Variants in ADAM22 observed in about 807,000 individuals in gnomAD.
The protein encoded by ADAM22 is disintegrin and metalloproteinase domain-containing protein 22.
In ADAM22, 65 loss-of-function variants were observed where a neutral mutation model predicts 144.6. The ratio of observed to expected loss-of-function variants is 0.45; its 90% CI spans 0.37 to 0.55. The LOEUF (loss-of-function observed/expected upper bound fraction) is 0.55, where lower values mean the gene tolerates loss of function less well. Among genes scored for constraint, ADAM22 ranks in the 20% least tolerant of loss-of-function variants. The pLI, the probability that ADAM22 is intolerant of heterozygous loss-of-function variation, is 0.00. For synonymous variants in ADAM22, 391 were observed against 412.6 expected (o/e 0.95, Z 0.63); for missense variants, 974 against 1,184.9 (o/e 0.82, Z 2.61).
At chr7:88,001,976 T>A (rs1440696392) in intron 3 of ADAM22, among the ~76,000 whole-genome samples, 2 of 152,086 alleles carry the variant, frequency 1.3e-5, no homozygotes, top group East Asian at 3.9e-4. Context: ...GGTTTTTTTT[T>A]ACTTTAAAAT....
intron 3 of ADAM22, among the ~76,000 whole-genome samples, chr7:88,051,645 A>G (rs1563108952): frequency 6.6e-6 from 1 of 152,128 alleles, no homozygotes. Context: ...GCACACGTAT[A>G]CATATGTAAC....
At chr7:88,056,966 C>T (rs142146770) in intron 3 of ADAM22, among the ~76,000 whole-genome samples, 2 of 152,076 alleles carry the variant, frequency 1.3e-5, no homozygotes, top group Non-Finnish European at 2.9e-5. Flanking sequence ...TTTTAACAGG[C>T]CTTTCAAAAC....
At chr7:87,960,078 G>A (rs975306998) in intron 2 of ADAM22, among the ~76,000 whole-genome samples, 1 of 152,100 alleles carries the variant, frequency 6.6e-6, no homozygotes, top group African/African-American at 2.4e-5. Context: ...CAGATCAATG[G>A]AAAGAACTGA....
chr7:88,085,765 C>T (rs1435711351), intron 4 of ADAM22, among the ~76,000 whole-genome samples: 2 of 152,326 alleles, frequency 1.3e-5, no homozygotes, highest in South Asian at 4.1e-4. Flanking sequence ...TCATCCTCCT[C>T]TTGTAAGATT....
rs886992676 is a variant in ADAM22 at position 88,153,379 on chromosome 7, C to G, written c.1787+53C>G. 12 of 1,457,642 alleles carry G rather than the reference C, an allele frequency of 8.2e-6. No homozygotes were observed. The African/African-American group carries it at 1.1e-4, about 14-fold the overall frequency. The allele number at this position is 1,457,642 out of a possible 1,614,324, so 90.3% of individuals were successfully genotyped here. ...CATCCCTTGGTCAATTACAAGTGTA[C>G]TTTTTTGAGTGACTAGGAAGTTTCT... On this transcript the variant is annotated intron_variant, in intron 21 of 31. Transcript: ENST00000413139.
intron 30 of ADAM22, among the ~76,000 whole-genome samples, chr7:88,188,090 C>T (rs1288462279): frequency 6.6e-6 from 1 of 151,990 alleles, no homozygotes; most frequent in East Asian, 1.9e-4. Flanking sequence ...CTTGGCTCAC[C>T]TGCAGTCCTA....
chr7:88,009,250 T>C (rs1240258942), intron 3 of ADAM22, among the ~76,000 whole-genome samples: 2 of 152,194 alleles, frequency 1.3e-5, no homozygotes, highest in Non-Finnish European at 2.9e-5. Flanking sequence ...TTGCATTAGC[T>C]TCATTGATGT....
chr7:88,131,984 A>G (rs956536076), intron 11 of ADAM22: 1 of 152,182 alleles, frequency 6.6e-6, no homozygotes, highest in Middle Eastern at 3.2e-3. Context: ...GTAACTTTAT[A>G]TATAATTCCA....
rs1051181823 is a variant in ADAM22 at position 88,155,778 on chromosome 7, A to G, written c.1788-109A>G. 3 of 1,323,316 alleles carry G rather than the reference A, an allele frequency of 2.3e-6. 1 individual carries two copies. Among genetic ancestry groups the G allele is most frequent in the South Asian group, 3.0e-5 (2 of 67,484 alleles). 82.0% of individuals were successfully genotyped at this position (1,323,316 alleles called of 1,614,324 possible). On this transcript the variant is annotated intron_variant, in intron 21 of 31. Coordinates refer to ENST00000413139, the MANE Select transcript of ADAM22 (RefSeq NM_001324418.2). ...TTTATTTCACTTGGCATATGAGTAG[A>G]TAATATACTTGATGAAAACCAAATG...
chr7:87,963,840 A>G (rs910444274), intron 2 of ADAM22, among the ~76,000 whole-genome samples: 1 of 152,200 alleles, frequency 6.6e-6, no homozygotes, highest in Non-Finnish European at 1.5e-5. Context: ...GTCAAGTTCA[A>G]TGAGCCTTTG....
intron 14 of ADAM22, among the ~76,000 whole-genome samples, chr7:88,140,611 T>C (rs1834325207): frequency 6.6e-6 from 1 of 151,970 alleles, no homozygotes; most frequent in African/African-American, 2.4e-5. Context: ...ATCCCAGAAC[T>C]TTGGGAGGAT....
At chr7:87,937,331 A>G (rs1327240152) in intron 2 of ADAM22, among the ~76,000 whole-genome samples, 2 of 151,210 alleles carry the variant, frequency 1.3e-5, no homozygotes, top group Admixed American at 6.6e-5. Flanking sequence ...TCCCCTTGCA[A>G]TTTTTTCAGT....
chr7:88,152,139 A>G (rs1273161280), intron 20 of ADAM22, among the ~76,000 whole-genome samples: 1 of 152,204 alleles, frequency 6.6e-6, no homozygotes, highest in Non-Finnish European at 1.5e-5. Flanking sequence ...GGGATGGGAA[A>G]ACATTTAGTC....
intron 26 of ADAM22, among the ~76,000 whole-genome samples, chr7:88,173,280 A>G (rs1004461538): frequency 1.3e-5 from 2 of 152,062 alleles, no homozygotes; most frequent in African/African-American, 4.8e-5. Context: ...CTGAGTCATC[A>G]TTTCATTGAT....
intron 15 of ADAM22, 36 bp from the exon 16 acceptor site, chr7:88,145,089 T>G (rs1053099041): frequency 6.3e-7 from 1 of 1,595,306 alleles, no homozygotes; most frequent in Non-Finnish European, 8.6e-7. Context: ...TGTTGATTTT[T>G]CTATATTTTA....
In ADAM22 at chr7:88,044,962, C is replaced by T. The variant is rs565594532; in HGVS notation, c.324-30664C>T. On this transcript the variant is annotated intron_variant, in intron 3 of 31. Transcript: ENST00000413139. ...CTGGTTTGGAACTCTTGACCTCAGG[C>T]GATCCGCCCACCTCGGCCTCCCAAA... Among the ~76,000 whole-genome samples the T allele has an allele frequency of 3.4e-3, 512 of 148,672 alleles. 2 individuals are homozygous for T. Among genetic ancestry groups the T allele is most frequent in the African/African-American group, 0.012 (462 of 39,936 alleles).
intron 3 of ADAM22, among the ~76,000 whole-genome samples, chr7:88,024,404 T>G (rs1430857212): frequency 6.6e-6 from 1 of 152,222 alleles, no homozygotes; most frequent in Non-Finnish European, 1.5e-5. Context: ...AGATGATACC[T>G]CATTGTAGTT....
rs774714803 is a variant in ADAM22 at position 88,134,383 on chromosome 7, A to C, written c.1132A>C (p.Ile378Leu). The C allele has an allele frequency of 6.2e-6, 10 of 1,611,046 alleles. No homozygotes were observed. The highest frequency in any genetic ancestry group is 8.5e-6 in the Non-Finnish European group (10 of 1,179,000). ...ACTTGCCCAGTCATTAGCCCATAAT[A>C]TTGGTATTATCTCAGACAAAAGAAA... ...VTLAQSLAHN[I>L]GIISDKRKLA... The change falls in exon 13 of 32, where the codon ATT becomes CTT. Residue 378 changes from isoleucine to leucine, a missense_variant. Around this residue, in one of 2 missense-constraint regions of ADAM22, gnomAD observed 734 missense variants for 950.6 expected, o/e 0.77. Coordinates refer to ENST00000413139, the MANE Select transcript of ADAM22 (RefSeq NM_001324418.2).
In ADAM22 at chr7:88,193,252, C is replaced by A; in HGVS notation, c.2874+13C>A. ...ACAAAGTGCCAGGGTATGTGGAAAC[C>A]TCTTCCATGTGCGTACATGCTCAGT... On this transcript the variant is annotated intron_variant, in intron 31 of 31. Coordinates refer to ENST00000413139, the MANE Select transcript of ADAM22 (RefSeq NM_001324418.2). 6.2e-7 allele frequency: 1 copy of A among 1,612,848 alleles called. No homozygotes were observed. Among genetic ancestry groups the A allele is most frequent in the Middle Eastern group, 1.7e-4 (1 of 6,058 alleles).
Sources: allele counts gnomAD v4.1 joint callset (sites outside exome capture counted in the v4.1 genomes callset), GRCh38; gene constraint gnomAD v4.1.1; regional missense constraint gnomAD v4.1.1; transcripts MANE v1.5; gene names NCBI Gene and HGNC (gene_info 2026-07-23, HGNC 2026-07-21).